Variants in SNX27 observed in about 807,000 individuals in gnomAD.
SNX27 encodes sorting nexin 27, also known as sorting nexin-27.
In SNX27, 22 loss-of-function variants were observed where a neutral mutation model predicts 71.6. The observed-to-expected ratio is 0.31, with a 90% CI of 0.22 to 0.44. The LOEUF (loss-of-function observed/expected upper bound fraction) is 0.44. Among genes scored for constraint, SNX27 ranks in the 20% least tolerant of loss-of-function variants. The pLI is 1.00. For missense variants in SNX27, 531 were observed against 698.6 expected (o/e 0.76, Z 2.70); for synonymous variants, 269 against 277.2 (o/e 0.97, Z 0.29).
chr1:151,651,556 C>A (rs907055510), intron 2 of SNX27, among the ~76,000 whole-genome samples: 1 of 151,776 alleles, frequency 6.6e-6, no homozygotes. Context: ...CTCCTCACCT[C>A]CCAGACGGGG....
chr1:151,649,813 C>T (rs56130043), intron 2 of SNX27, among the ~76,000 whole-genome samples: 5 of 151,938 alleles, frequency 3.3e-5, no homozygotes, highest in African/African-American at 1.2e-4. Flanking sequence ...TCAAGTGATC[C>T]TCCTGACTCA....
chr1:151,649,961 C>T lies in SNX27; in HGVS notation c.544-8274C>T, dbSNP rs183745996. 2.2e-4 allele frequency among the ~76,000 whole-genome samples: 34 copies of T among 152,200 alleles called. No homozygotes were observed. In the East Asian group the frequency reaches 4.0e-3, roughly 18 times the overall value. ...GGAGTTCAGTGGCACCATCTTGGCT[C>T]GCTGCAACCTCCACCTCCCAGGGTC... On this transcript the variant is annotated intron_variant, in intron 2 of 11. Transcript: ENST00000458013.
At chr1:151,671,817 C>G (rs141171933) in intron 7 of SNX27, among the ~76,000 whole-genome samples, 3,368 of 152,072 alleles carry the variant, frequency 0.022, 50 homozygotes, top group Non-Finnish European at 0.03. Context: ...TCACTGTTGG[C>G]ATATAGAAAT....
intron 4 of SNX27, chr1:151,661,094 C>G (rs1235454834): frequency 2.3e-6 from 1 of 437,562 alleles, no homozygotes; most frequent in African/African-American, 2.0e-5. Flanking sequence ...GAGTTTTCAT[C>G]AATTTTTCAT....
intron 2 of SNX27, among the ~76,000 whole-genome samples, chr1:151,653,950 A>G (rs1669557906): frequency 6.7e-6 from 1 of 150,234 alleles, no homozygotes; most frequent in Non-Finnish European, 1.5e-5. Flanking sequence ...CTCCTGCCTC[A>G]TCCTCCCTAG....
At chr1:151,633,495 G>A (rs537663515) in intron 1 of SNX27, among the ~76,000 whole-genome samples, 4 of 151,878 alleles carry the variant, frequency 2.6e-5, no homozygotes, top group East Asian at 1.9e-4. Flanking sequence ...ATGGGGTTTC[G>A]CCTTGTTGCC....
intron 1 of SNX27, among the ~76,000 whole-genome samples, chr1:151,637,205 G>T (rs974649997): frequency 7.9e-6 from 1 of 125,828 alleles, no homozygotes; most frequent in Admixed American, 9.5e-5. Context: ...TGCTCTGTCC[G>T]CCAGGCTGGA....
At chr1:151,677,378 T>C (rs1282036658) in intron 7 of SNX27, 2 of 152,194 alleles carry the variant, frequency 1.3e-5, no homozygotes, top group Non-Finnish European at 2.9e-5. Context: ...ATTGCTATTA[T>C]GAATGGAATA....
At chr1:151,641,567 T>C (rs1351230525) in intron 2 of SNX27, among the ~76,000 whole-genome samples, 2 of 137,746 alleles carry the variant, frequency 1.5e-5, no homozygotes, top group Admixed American at 7.8e-5. Context: ...AGGGGTTCTT[T>C]ATACATTCTG....
chr1:151,683,114 G>A (rs1184522153), intron 7 of SNX27, among the ~76,000 whole-genome samples: 1 of 152,046 alleles, frequency 6.6e-6, no homozygotes, highest in Non-Finnish European at 1.5e-5. Context: ...ACCAGACCAT[G>A]ATCCAGTCAC....
intron 1 of SNX27, among the ~76,000 whole-genome samples, chr1:151,617,151 G>A (rs1055838312): frequency 2.6e-5 from 4 of 152,106 alleles, no homozygotes; most frequent in Non-Finnish European, 5.9e-5. Context: ...ATTGGATCTT[G>A]CTAAGCTCTT....
intron 3 of SNX27, chr1:151,660,269 TG>T (rs1338962982): frequency 6.6e-6 from 1 of 151,864 alleles, no homozygotes; most frequent in Non-Finnish European, 1.5e-5. Flanking sequence ...GTGGTTGTTT[TG>T]AAGCTAAAGT....
At chr1:151,674,581 A>C (rs1670587185) in intron 7 of SNX27, among the ~76,000 whole-genome samples, 2 of 152,314 alleles carry the variant, frequency 1.3e-5, no homozygotes, top group Non-Finnish European at 2.9e-5. Flanking sequence ...TGCTGGGATT[A>C]CAGGCATGAG....
intron 8 of SNX27, among the ~76,000 whole-genome samples, chr1:151,686,006 T>A (rs1671179718): frequency 6.6e-6 from 1 of 152,222 alleles, no homozygotes; most frequent in Admixed American, 6.5e-5. Context: ...TTCTATATAT[T>A]AATGCATGAT....
Position 151,695,839 on chromosome 1 carries a change from G to T in SNX27, c.*1422G>T, listed in dbSNP as rs1671677042. 1 of 152,198 alleles carries T rather than the reference G, an allele frequency of 6.6e-6. No homozygotes were observed. Among genetic ancestry groups the T allele is most frequent in the Non-Finnish European group, 1.5e-5 (1 of 68,066 alleles). The allele number at this position is 152,198 out of a possible 1,614,324, so 9.4% of individuals were successfully genotyped here. A position where few individuals can be genotyped will look rare whatever the true frequency, so the allele number is the denominator to read the frequency against. ...GCAAGAAATGCCCTATGTACATGAG[G>T]TTTTACCTCCTCCATTCCTGACCAA... On this transcript the variant is annotated 3_prime_UTR_variant, in exon 12 of 12. Coordinates refer to ENST00000458013, the MANE Select transcript of SNX27 (RefSeq NM_001330723.2).
rs1164068534 is a variant in SNX27, at chr1:151,698,142, A to G, written c.*3725A>G. ...GGGGGAATTAGATAAATATTCCAAC[A>G]TCCTCATGCCTGGCCCATTTAGTTT... On this transcript the variant is annotated 3_prime_UTR_variant, in exon 12 of 12. Transcript: ENST00000458013. 1 of 152,488 alleles carries G rather than the reference A, an allele frequency of 6.6e-6. No homozygotes were observed. Among genetic ancestry groups the G allele is most frequent in the Non-Finnish European group, 1.5e-5 (1 of 68,060 alleles). The allele number at this position is 152,488 out of a possible 1,614,324, so 9.4% of individuals were successfully genotyped here.
chr1:151,616,696 TTGAC>T lies in SNX27; in HGVS notation c.311+4188_311+4191del, dbSNP rs201072506. 1.9e-3 allele frequency among the ~76,000 whole-genome samples: 294 copies of T among 152,286 alleles called. 2 individuals carry two copies. The highest frequency in any genetic ancestry group is 6.6e-3 in the African/African-American group (274 of 41,564). On this transcript the variant is annotated intron_variant, in intron 1 of 11. Coordinates refer to ENST00000458013, the MANE Select transcript of SNX27 (RefSeq NM_001330723.2). Reference sequence around the variant, plus strand: ...TTTCTCAATTGCAACTGAATTCTATTTGACTGATATTTTCTAGGTAGATTTTGGT... The same window carrying T: ...TTTCTCAATTGCAACTGAATTCTATTTGATATTTTCTAGGTAGATTTTGGT...
At position 151,665,980 on chromosome 1, in the gene SNX27, T is replaced by C. The variant is rs747297697; in HGVS notation, c.954T>C (p.Phe318=). 1 of 1,611,292 alleles carries C rather than the reference T, an allele frequency of 6.2e-7. No homozygotes were observed. The highest frequency in any genetic ancestry group is 8.5e-7 in the Non-Finnish European group (1 of 1,178,234). ...TGGACAGTACGACAGTGAATTACTTTGCCTTATTTGAAGTGATCAGTCACT... is the reference window on the plus strand; with the variant it reads ...TGGACAGTACGACAGTGAATTACTTCGCCTTATTTGAAGTGATCAGTCACT... ...VGMDSTTVNY[F]ALFEVISHSF... is the part of the protein sequence containing the mutation. Residue 318 remains phenylalanine, a synonymous_variant, in exon 6 of 12, where the codon TTT becomes TTC. Coordinates refer to ENST00000458013, the MANE Select transcript of SNX27 (RefSeq NM_001330723.2).
intron 5 of SNX27, among the ~76,000 whole-genome samples, chr1:151,664,623 G>C (rs1482613961): frequency 6.6e-6 from 1 of 152,044 alleles, no homozygotes; most frequent in African/African-American, 2.4e-5. Flanking sequence ...AGACAAGCAG[G>C]TTTCTGGGTA....
Sources: gnomAD v4.1 joint callset for allele counts (sites outside exome capture counted in the v4.1 genomes callset) on GRCh38, gnomAD v4.1.1 for gene constraint, MANE v1.5 for transcripts, NCBI Gene and HGNC (gene_info 2026-07-23, HGNC 2026-07-21) for gene names.